The following LEPR variants were observed in gnomAD, a reference collection of about 807,000 sequenced individuals.
LEPR encodes the protein OB receptor.
LEPR carries 56 observed loss-of-function variants against 114.7 expected under a neutral mutation model. That is an observed-to-expected ratio of 0.49 (90% CI 0.39 to 0.61). The LOEUF (loss-of-function observed/expected upper bound fraction) is 0.61. Among genes scored for constraint, LEPR ranks in the 20% least tolerant of loss-of-function variants. LEPR has a pLI of 0.00. For synonymous variants in LEPR, 443 were observed against 461.4 expected (o/e 0.96, Z 0.51); for missense variants, 1,202 against 1,352.9 (o/e 0.89, Z 1.75).
intron 2 of LEPR, chr1:65,433,140 G>T (rs1236731033): frequency 3.0e-6 from 3 of 985,254 alleles, no homozygotes; most frequent in Non-Finnish European, 3.6e-6. Flanking sequence ...TTATGATCTG[G>T]CACTTCTCCC....
In LEPR at chr1:65,633,120, C is replaced by G. The variant is rs770680771; in HGVS notation, c.2674-3071C>G. On this transcript the variant is annotated intron_variant, in intron 19 of 19. Transcript: ENST00000349533. This position sits in a 1 kb window ranked among gnomAD's most constrained non-coding sequence, Gnocchi z 4.1. ...TCTTTGTGAGTGATTTTTTATTTTG[C>G]TTTCTTATTTTGTTTTATTTTATCT... 5.0e-6 allele frequency: 7 copies of G among 1,402,106 alleles called. No homozygotes were observed. The South Asian group carries it at 8.1e-5, about 16-fold the overall frequency. 86.9% of individuals were successfully genotyped at this position (1,402,106 alleles called of 1,614,324 possible).
At chr1:65,604,839 C>A (rs1656709112) in intron 10 of LEPR, among the ~76,000 whole-genome samples, 199 bp from the exon 11 acceptor site, 1 of 152,160 alleles carries the variant, frequency 6.6e-6, no homozygotes, top group Non-Finnish European at 1.5e-5. Flanking sequence ...GCCTGGTGAT[C>A]TGAAGTGGAA....
Position 65,423,417 on chromosome 1 carries a change from A to G in LEPR, c.-96-1886A>G, listed in dbSNP as rs551459951. On this transcript the variant is annotated intron_variant, in intron 1 of 19. Coordinates refer to ENST00000349533, the MANE Select transcript of LEPR (RefSeq NM_002303.6). ...GAATCAAACAGAAAGATGGTTGTGAACGTTGAGAAACTGGTATCAGAACAG... is the reference window on the plus strand; with the variant it reads ...GAATCAAACAGAAAGATGGTTGTGAGCGTTGAGAAACTGGTATCAGAACAG... 1.2e-4 allele frequency among the ~76,000 whole-genome samples: 18 copies of G among 152,316 alleles called. 1 individual carries two copies. In the South Asian group the frequency reaches 3.3e-3, roughly 28 times the overall value.
chr1:65,443,856 G>A (rs1177038930), intron 2 of LEPR, among the ~76,000 whole-genome samples: 3 of 152,098 alleles, frequency 2.0e-5, no homozygotes, highest in African/African-American at 7.2e-5. Context: ...CTGCATTGGT[G>A]AGGTAAAGAA....
chr1:65,525,828 GCTTCCCTCTCCGACAC>G, intron 2 of LEPR: 2 of 985,656 alleles, frequency 2.0e-6, no homozygotes, highest in Non-Finnish European at 2.4e-6. Context: ...GGTGGGACCT[GCTTCCCTCTCCGACAC>G]CCCCTATTGC....
In LEPR at chr1:65,576,064, C is replaced by T. The variant is rs1174706264; in HGVS notation, c.494+3615C>T. ...GCACCAACAACGTTCTTTCTAAAGC[C>T]CTACACTTCACAGAGGAGGCAAAGC... On this transcript the variant is annotated intron_variant, in intron 5 of 19. Coordinates refer to ENST00000349533, the MANE Select transcript of LEPR (RefSeq NM_002303.6). 2 of 152,222 alleles carry T rather than the reference C, an allele frequency of 1.3e-5. 1 individual carries two copies. The highest frequency in any genetic ancestry group is 4.9e-5 in the African/African-American group (2 of 40,640). The allele number at this position is 152,222 out of a possible 1,614,324, so 9.4% of individuals were successfully genotyped here.
intron 2 of LEPR, among the ~76,000 whole-genome samples, chr1:65,426,703 A>G (rs1022353133): frequency 6.6e-6 from 1 of 152,204 alleles, no homozygotes; most frequent in African/African-American, 2.4e-5. Flanking sequence ...ACTAGATAGA[A>G]GATGATGTGA....
At position 65,425,305 on chromosome 1, in the gene LEPR, C is replaced by G. The variant is rs745366338; in HGVS notation, c.-94C>G. On this transcript the variant is annotated splice_region_variant and 5_prime_UTR_variant, in exon 2 of 20. Coordinates refer to ENST00000349533, the MANE Select transcript of LEPR (RefSeq NM_002303.6). ...ACTTTTGGCTTTATTTTTCACAGCT[C>G]TCGTGGCATTATCCTTCAGTGGGGC... 1.5e-5 allele frequency: 24 copies of G among 1,612,444 alleles called. No homozygotes were observed. The Admixed American group carries it at 1.8e-4, about 12-fold the overall frequency.
chr1:65,552,605 A>C (rs576798738), intron 2 of LEPR, among the ~76,000 whole-genome samples: 2 of 152,030 alleles, frequency 1.3e-5, no homozygotes, highest in Admixed American at 1.3e-4. Context: ...TGTGTCTCAC[A>C]TGCAAAGGCA....
Position 65,637,072 on chromosome 1 carries a change from A to ATTACT in LEPR, c.*60_*61insCTTTA, listed in dbSNP as rs75054066. 0.2 allele frequency: 309,804 copies of ATTACT among 1,546,594 alleles called. 33,769 individuals are homozygous for ATTACT. The highest frequency in any genetic ancestry group is 0.35 in the South Asian group (30,453 of 87,694). On this transcript the variant is annotated 3_prime_UTR_variant, in exon 20 of 20. Transcript: ENST00000349533. ...TAATGGGTAATATAAAGTGTAATAG[A>ATTACT]TTATAGTTGTGGGTGGGAGAGAGAA...
chr1:65,478,069 A>G (rs1647178121), intron 2 of LEPR, among the ~76,000 whole-genome samples: 1 of 152,198 alleles, frequency 6.6e-6, no homozygotes, highest in African/African-American at 2.4e-5. Flanking sequence ...TCATCCTGTA[A>G]TTACAAGATT....
At chr1:65,481,791 C>T (rs1647247098) in intron 2 of LEPR, among the ~76,000 whole-genome samples, 1 of 148,766 alleles carries the variant, frequency 6.7e-6, no homozygotes, top group Non-Finnish European at 1.5e-5. Flanking sequence ...ACTTCAGACA[C>T]ATTATCTTTC....
At chr1:65,424,525 C>T (rs753442350) in intron 1 of LEPR, among the ~76,000 whole-genome samples, 1 of 145,446 alleles carries the variant, frequency 6.9e-6, no homozygotes, top group Non-Finnish European at 1.5e-5. Flanking sequence ...ACTGGAATTA[C>T]TTGAGACCTT....
intron 2 of LEPR, among the ~76,000 whole-genome samples, chr1:65,473,228 C>G (rs570990290): frequency 6.6e-6 from 1 of 152,284 alleles, no homozygotes; most frequent in East Asian, 1.9e-4. Flanking sequence ...GGTGAGGGAA[C>G]TGGCACAAGG....
At chr1:65,605,722 C>T (rs916798932) in intron 11 of LEPR, among the ~76,000 whole-genome samples, 2 of 152,230 alleles carry the variant, frequency 1.3e-5, no homozygotes, top group Non-Finnish European at 1.5e-5. Context: ...ACAACAATGA[C>T]ATACATTATA....
chr1:65,636,970 G>T lies in LEPR; in HGVS notation c.3453G>T (p.Gln1151His). 6.2e-7 allele frequency: 1 copy of T among 1,613,160 alleles called. No homozygotes were observed. Among genetic ancestry groups the T allele is most frequent in the South Asian group, 1.1e-5 (1 of 90,928 alleles). ...CTCAATTCCAAACTTGTTCTACTCA[G>T]ACTCATAAGATCATGGAAAACAAGA... ...YMPQFQTCST[Q>H]THKIMENKMC... Residue 1151 changes from glutamine (Q) to histidine (H), a missense_variant, in exon 20 of 20, where the codon CAG (glutamine) becomes CAT (histidine). Physicochemically the swap from Gln to His is conservative, Grantham distance 24 (BLOSUM62 0). Transcript: ENST00000349533.
intron 14 of LEPR, among the ~76,000 whole-genome samples, chr1:65,611,416 A>G (rs1448943254): frequency 1.3e-5 from 2 of 152,196 alleles, no homozygotes; most frequent in Non-Finnish European, 2.9e-5. Flanking sequence ...CTTGCCCGAC[A>G]GATTATTTTT....
At chr1:65,602,069 G>A (rs1470132302) in intron 10 of LEPR, 109 bp downstream of exon 10, 1 of 997,818 alleles carries the variant, frequency 1.0e-6, no homozygotes, top group Non-Finnish European at 1.6e-6. Context: ...CCTGAAAGAG[G>A]AAAGTATAAT....
chr1:65,430,118 T>A (rs1646457911), intron 2 of LEPR: 2 of 1,319,636 alleles, frequency 1.5e-6, no homozygotes, highest in South Asian at 3.6e-5. Context: ...GTCTGGGACC[T>A]CCATTTCATG....
Sources: gnomAD v4.1 joint callset for allele counts (sites outside exome capture counted in the v4.1 genomes callset) on GRCh38, gnomAD v4.1.1 for gene constraint, Gnocchi (gnomAD v3.1) non-coding constraint, MANE v1.5 for transcripts, NCBI Gene and HGNC (gene_info 2026-07-23, HGNC 2026-07-21) for gene names.